Variants in PTPRD observed in about 807,000 individuals in gnomAD.
The protein encoded by PTPRD is receptor-type tyrosine-protein phosphatase delta.
PTPRD carries 34 observed loss-of-function variants against 214.5 expected under a neutral mutation model. The ratio of observed to expected loss-of-function variants is 0.16; its 90% CI spans 0.12 to 0.21. The LOEUF (loss-of-function observed/expected upper bound fraction) is 0.21, where lower values mean the gene tolerates loss of function less well. Ranked by LOEUF, PTPRD falls within the 10% of genes least tolerant of loss-of-function variation. The pLI is 1.00. For synonymous variants in PTPRD, 1,128 were observed against 845.7 expected (o/e 1.33, Z -5.79); for missense variants, 2,545 against 2,398.7 (o/e 1.06, Z -1.27).
intron 9 of PTPRD, among the ~76,000 whole-genome samples, chr9:9,328,908 G>T (rs1043967193): frequency 5.3e-5 from 8 of 151,810 alleles, no homozygotes; most frequent in Non-Finnish European, 8.8e-5. Flanking sequence ...AAAGTAAAGG[G>T]ATTACAGGAG....
chr9:8,604,578 T>G (rs1362373746), intron 14 of PTPRD, among the ~76,000 whole-genome samples: 1 of 152,200 alleles, frequency 6.6e-6, no homozygotes, highest in East Asian at 1.9e-4. Flanking sequence ...GATACCAAAG[T>G]GGACAGTCAA....
At chr9:9,160,888 C>A (rs2099887025) in intron 10 of PTPRD, among the ~76,000 whole-genome samples, 1 of 152,108 alleles carries the variant, frequency 6.6e-6, no homozygotes, top group Non-Finnish European at 1.5e-5. Flanking sequence ...CATGAATGAA[C>A]CTGGAGGATA....
chr9:8,341,309 G>C (rs186483454), intron 40 of PTPRD, 41 bp from the exon 41 acceptor site: 10 of 1,533,950 alleles, frequency 6.5e-6, no homozygotes, highest in East Asian at 2.3e-5. Context: ...ACCCAACAAA[G>C]ATCATTTTCA....
chr9:8,902,582 T>C (rs1052841033), intron 11 of PTPRD, among the ~76,000 whole-genome samples: 2 of 152,046 alleles, frequency 1.3e-5, no homozygotes. Flanking sequence ...TCATCTCAAG[T>C]GATTCACCTC....
intron 9 of PTPRD, among the ~76,000 whole-genome samples, chr9:9,218,342 C>T (rs2099953619): frequency 6.6e-6 from 1 of 152,108 alleles, no homozygotes; most frequent in Non-Finnish European, 1.5e-5. Flanking sequence ...TTCTCCCTGT[C>T]ACACTTCATT....
At chr9:9,462,851 T>C (rs1357797546) in intron 8 of PTPRD, among the ~76,000 whole-genome samples, 2 of 152,272 alleles carry the variant, frequency 1.3e-5, no homozygotes, top group Middle Eastern at 3.4e-3. Flanking sequence ...ATCCCTCTTC[T>C]ACCCCCTTAG....
At chr9:9,047,483 T>C (rs1258062028) in intron 10 of PTPRD, among the ~76,000 whole-genome samples, 1 of 152,072 alleles carries the variant, frequency 6.6e-6, no homozygotes, top group Non-Finnish European at 1.5e-5. Flanking sequence ...GACAGAATCA[T>C]ATTATCTGAT....
Position 10,511,569 on chromosome 9 carries a change from A to ATT in PTPRD, c.-600+100827_-600+100828dup, listed in dbSNP as rs66768632. ...CAGGTGTGCGCCACCACACCCTGGT[A>ATT]TTTTTTTTTTTTTTTTTTGTATTTT... is the stretch of plus-strand genomic sequence containing the variant. On this transcript the variant is annotated intron_variant, in intron 2 of 45. Transcript: ENST00000381196. Among the ~76,000 whole-genome samples the ATT allele has an allele frequency of 1.5e-3, 192 of 127,852 alleles. 3 individuals are homozygous for ATT. Among genetic ancestry groups the ATT allele is most frequent in the African/African-American group, 4.2e-3 (136 of 32,558 alleles). 83.9% of individuals were successfully genotyped at this position (127,852 alleles called of 152,430 possible).
At chr9:10,406,137 CGGCTAGAGAAATATTCCTCTAGCT>C (rs1335924457) in intron 2 of PTPRD, among the ~76,000 whole-genome samples, 1 of 150,914 alleles carries the variant, frequency 6.6e-6, no homozygotes, top group Non-Finnish European at 1.5e-5. Context: ...AATATTTTCT[CGGCTAGAGAAATATTCCTCTAGCT>C]GAGAAATATT....
chr9:9,613,539 T>C, intron 7 of PTPRD, among the ~76,000 whole-genome samples: 1 of 152,194 alleles, frequency 6.6e-6, no homozygotes, highest in East Asian at 1.9e-4. Context: ...CTTCTTCTTT[T>C]AGAGCCAAGA....
chr9:10,071,921 A>T (rs1242188872), intron 3 of PTPRD, among the ~76,000 whole-genome samples: 1 of 151,908 alleles, frequency 6.6e-6, no homozygotes, highest in Non-Finnish European at 1.5e-5. Context: ...TTTTTAAAAT[A>T]ATTATTATCT....
intron 14 of PTPRD, among the ~76,000 whole-genome samples, chr9:8,593,762 A>G (rs1472487194): frequency 6.6e-6 from 1 of 152,238 alleles, no homozygotes; most frequent in Non-Finnish European, 1.5e-5. Context: ...CCAGCAAACA[A>G]GTATCACAAA....
intron 9 of PTPRD, among the ~76,000 whole-genome samples, chr9:9,300,081 C>T (rs1004420030): frequency 6.7e-6 from 1 of 150,032 alleles, no homozygotes; most frequent in Non-Finnish European, 1.5e-5. Flanking sequence ...GGCCACTGTC[C>T]CATATTCTCC....
chr9:8,676,093 C>A (rs1364292955), intron 12 of PTPRD, among the ~76,000 whole-genome samples: 6 of 152,178 alleles, frequency 3.9e-5, no homozygotes, highest in Non-Finnish European at 7.3e-5. Flanking sequence ...CTCCAGGTCC[C>A]TGAATAAGTG....
At chr9:9,891,668 C>T (rs959940712) in intron 5 of PTPRD, among the ~76,000 whole-genome samples, 2 of 151,864 alleles carry the variant, frequency 1.3e-5, no homozygotes, top group African/African-American at 4.8e-5. Context: ...CCTCTAAACA[C>T]AGATCACTGG....
chr9:10,239,513 G>A (rs1018144850), intron 3 of PTPRD, among the ~76,000 whole-genome samples: 1 of 151,796 alleles, frequency 6.6e-6, no homozygotes, highest in Non-Finnish European at 1.5e-5. Flanking sequence ...TAATAGGGTT[G>A]AACTTACACT....
intron 12 of PTPRD, among the ~76,000 whole-genome samples, chr9:8,706,903 T>A (rs2098221827): frequency 6.6e-6 from 1 of 152,088 alleles, no homozygotes; most frequent in African/African-American, 2.4e-5. Flanking sequence ...CGTGCCACTG[T>A]CCCCGCTGGA....
rs1567097091 is a variant in PTPRD at position 8,934,429 on chromosome 9, ATATATAAATATATATATAAATT to A, written c.-104+84246_-104+84267del. Among the ~76,000 whole-genome samples the A allele has an allele frequency of 4.6e-3, 248 of 53,602 alleles. 12 individuals are homozygous for A. The highest frequency in any genetic ancestry group is 5.4e-3 in the Non-Finnish European group (152 of 28,168). The allele number at this position is 53,602 out of a possible 152,430, so 35.2% of individuals were successfully genotyped here. A position where few individuals can be genotyped will look rare whatever the true frequency, so the allele number is the denominator to read the frequency against. ...TGTGTGTGTGTGTGTGTGTATATATATATATAAATATATATATAAATTTATATATATATAAATATATATATAT... is the reference window on the plus strand; with the variant it reads ...TGTGTGTGTGTGTGTGTGTATATATATATATATATATAAATATATATATAT... On this transcript the variant is annotated intron_variant, in intron 11 of 45. Transcript: ENST00000381196.
chr9:8,845,506 T>C (rs914386062), intron 11 of PTPRD, among the ~76,000 whole-genome samples: 1 of 152,242 alleles, frequency 6.6e-6, no homozygotes, highest in African/African-American at 2.4e-5. Context: ...CCATCAAATA[T>C]GCCAGCTGTT....
Sources: allele counts gnomAD v4.1 joint callset (sites outside exome capture counted in the v4.1 genomes callset), GRCh38; gene constraint gnomAD v4.1.1; transcripts MANE v1.5; gene names NCBI Gene and HGNC (gene_info 2026-07-23, HGNC 2026-07-21).